The following PIP5K1B variants were observed in gnomAD, a reference collection of about 807,000 sequenced individuals.
PIP5K1B encodes the protein phosphatidylinositol 4-phosphate 5-kinase type-1 beta.
A neutral mutation model predicts 67.0 loss-of-function variants in PIP5K1B; 42 were observed. The ratio of observed to expected loss-of-function variants is 0.63; its 90% confidence interval spans 0.49 to 0.81. The LOEUF is 0.81. PIP5K1B is among the 30% of genes least tolerant of loss of function. PIP5K1B has a pLI of 0.00. For missense variants in PIP5K1B, 459 were observed against 646.3 expected, an observed-to-expected ratio of 0.71 and a Z score of 3.14; for synonymous variants, 214 against 231.4, an observed-to-expected ratio of 0.92 and a Z score of 0.68.
rs559842498 is a variant in PIP5K1B, at chr9:68,867,748, C to T, written c.200+3781C>T. On this transcript the variant is annotated intron_variant, in intron 5 of 15. Transcript: ENST00000265382. ...ATAATGCTTTCTCTCTAAGTATTTC[C>T]AAGCCCATATGGGGATGAAGAAAGG... Among the ~76,000 whole-genome samples, 74 of 152,174 alleles carry T rather than the reference C, an allele frequency of 4.9e-4. No individual in the cohort carries two copies. The South Asian group carries it at 8.3e-3, about 17-fold the overall frequency.
chr9:68,901,165 C>G (rs1825333446), intron 8 of PIP5K1B, among the ~76,000 whole-genome samples: 1 of 152,170 alleles, frequency 6.6e-6, no homozygotes, highest in Admixed American at 6.5e-5. Flanking sequence ...ATCCTCTCAT[C>G]AATAAGGAAT....
chr9:68,961,225 A>G (rs4358860), intron 14 of PIP5K1B, among the ~76,000 whole-genome samples: 3 of 124,206 alleles, frequency 2.4e-5, no homozygotes, highest in African/African-American at 6.7e-5. Flanking sequence ...TCAAAAAAAA[A>G]AAAAAAAAGC....
intron 2 of PIP5K1B, chr9:68,782,650 GC>G (rs1831361496): frequency 1.2e-5 from 2 of 167,084 alleles, no homozygotes; most frequent in African/African-American, 2.4e-5. Context: ...GAGTGAAATT[GC>G]ATCGAGGGTA....
chr9:68,804,773 A>G (rs1244920025), intron 2 of PIP5K1B, among the ~76,000 whole-genome samples: 1 of 151,962 alleles, frequency 6.6e-6, no homozygotes, highest in African/African-American at 2.4e-5. Context: ...AAGTTATTTA[A>G]CCTCTCTGTT....
At chr9:68,951,645 T>C (rs1161222758) in intron 14 of PIP5K1B, among the ~76,000 whole-genome samples, 4 of 152,234 alleles carry the variant, frequency 2.6e-5, no homozygotes, top group Admixed American at 6.5e-5. Flanking sequence ...CACGGAGCTT[T>C]GGAGATGAGA....
chr9:68,763,383 C>G (rs557663270), intron 2 of PIP5K1B, among the ~76,000 whole-genome samples: 11 of 152,178 alleles, frequency 7.2e-5, no homozygotes, highest in African/African-American at 2.6e-4. Flanking sequence ...ACACTACCTA[C>G]CTTGTGGGGT....
At chr9:68,788,474 T>TTTTTGTTTTGTTTTGTTTCG in intron 2 of PIP5K1B, 1 of 291,426 alleles carries the variant, frequency 3.4e-6, no homozygotes, top group Non-Finnish European at 6.4e-6. Flanking sequence ...ATCAGGAAGG[T>TTTTTGTTTTGTTTTGTTTCG]TTTTGTTTTG....
intron 14 of PIP5K1B, among the ~76,000 whole-genome samples, chr9:68,990,092 C>G (rs916310644): frequency 1.3e-5 from 2 of 152,182 alleles, no homozygotes; most frequent in Non-Finnish European, 2.9e-5. Context: ...AATATACTGT[C>G]TACCTGCATT....
chr9:68,791,149 A>C (rs560568503), intron 2 of PIP5K1B, among the ~76,000 whole-genome samples: 1 of 152,190 alleles, frequency 6.6e-6, no homozygotes, highest in African/African-American at 2.4e-5. Context: ...GAAAGAATAC[A>C]ATTGAGAAAG....
intron 8 of PIP5K1B, among the ~76,000 whole-genome samples, chr9:68,912,376 G>A (rs1308825021): frequency 6.6e-6 from 1 of 152,146 alleles, no homozygotes; most frequent in Admixed American, 6.5e-5. Flanking sequence ...CATCTTTAGG[G>A]CACAGGAAGA....
At chr9:68,837,319 C>A (rs989761634) in intron 4 of PIP5K1B, among the ~76,000 whole-genome samples, 2 of 152,184 alleles carry the variant, frequency 1.3e-5, no homozygotes, top group African/African-American at 2.4e-5. Context: ...GACGTCCCCC[C>A]GCTAATTAGG....
At chr9:68,828,111 C>T (rs1414558163) in intron 4 of PIP5K1B, among the ~76,000 whole-genome samples, 3 of 152,186 alleles carry the variant, frequency 2.0e-5, no homozygotes, top group African/African-American at 7.2e-5. Context: ...AACACCAGGG[C>T]CTTGACTGTC....
intron 6 of PIP5K1B, among the ~76,000 whole-genome samples, chr9:68,881,523 A>G (rs1352019453): frequency 2.0e-5 from 3 of 152,224 alleles, no homozygotes; most frequent in Admixed American, 2.0e-4. Flanking sequence ...TGGTAACTCC[A>G]TACTTAGGTG....
In PIP5K1B at chr9:68,805,228, G is replaced by A. The variant is rs145718492; in HGVS notation, c.-85-13233G>A. ...GCATGTGGGGCGCAGGGGGCCCTGTGTGTAGAGGCTCCTTCACCTCAAGGG... is the reference window on the plus strand; with the variant it reads ...GCATGTGGGGCGCAGGGGGCCCTGTATGTAGAGGCTCCTTCACCTCAAGGG... On this transcript the variant is annotated intron_variant, in intron 2 of 15. Transcript: ENST00000265382. Among the ~76,000 whole-genome samples the A allele has an allele frequency of 3.3e-3, 502 of 152,318 alleles. 2 individuals carry two copies. The highest frequency in any genetic ancestry group is 0.011 in the African/African-American group (471 of 41,566).
At chr9:68,930,123 T>A (rs140886087) in intron 12 of PIP5K1B, among the ~76,000 whole-genome samples, 15 of 152,356 alleles carry the variant, frequency 9.8e-5, no homozygotes, top group African/African-American at 3.6e-4. Flanking sequence ...AAGCTTTTCA[T>A]CCCTGCTTAC....
rs1241047114 is a variant in PIP5K1B at position 68,822,698 on chromosome 9, T to A, written c.69+15T>A. ...CCTATAAAAAGGTGAGTGTGCATTT[T>A]ATTTTCTAAAGAGGAACACCGTTTT... On this transcript the variant is annotated intron_variant, in intron 4 of 15. Coordinates refer to ENST00000265382, the MANE Select transcript of PIP5K1B (RefSeq NM_003558.4). 1 of 1,586,846 alleles carries A rather than the reference T, an allele frequency of 6.3e-7. No individual in the cohort carries two copies. The highest frequency in any genetic ancestry group is 1.7e-5 in the Admixed American group (1 of 59,614).
intron 8 of PIP5K1B, among the ~76,000 whole-genome samples, chr9:68,908,403 C>A (rs1255593329): frequency 6.7e-6 from 1 of 150,172 alleles, no homozygotes; most frequent in Non-Finnish European, 1.5e-5. Flanking sequence ...TATATGAAAT[C>A]TTTTTAAATG....
chr9:68,962,456 T>C (rs1335862995), intron 14 of PIP5K1B, among the ~76,000 whole-genome samples: 2 of 152,256 alleles, frequency 1.3e-5, no homozygotes, highest in African/African-American at 4.8e-5. Context: ...GAAGCATTTC[T>C]TTCCCTTTGC....
chr9:68,961,961 G>A (rs969321704), intron 14 of PIP5K1B, among the ~76,000 whole-genome samples: 12 of 152,140 alleles, frequency 7.9e-5, no homozygotes, highest in East Asian at 5.8e-4. Flanking sequence ...CTCTTACCCC[G>A]ACACATGCTA....
Sources: allele counts gnomAD v4.1 joint callset (sites outside exome capture counted in the v4.1 genomes callset), GRCh38; gene constraint gnomAD v4.1.1; transcripts MANE v1.5; gene names NCBI Gene and HGNC (gene_info 2026-07-23, HGNC 2026-07-21).